Variants in WIPF1 observed in about 807,000 individuals in gnomAD.
WIPF1 encodes WAS/WASL-interacting protein family member 1.
In WIPF1, 13 loss-of-function variants were observed where a neutral mutation model predicts 35.4. The ratio of observed to expected loss-of-function variants is 0.37; its 90% CI spans 0.24 to 0.58. The LOEUF is 0.58. Among genes scored for constraint, WIPF1 ranks in the 20% least tolerant of loss-of-function variants. The pLI is 0.74. For missense variants in WIPF1, 591 were observed against 667.0 expected, an observed-to-expected ratio of 0.89 and a Z score of 1.25; for synonymous variants, 267 against 266.3, an observed-to-expected ratio of 1.00 and a Z score of -0.02.
chr2:174,625,498 TG>T (rs1686801899), intron 1 of WIPF1: 1 of 152,196 alleles, frequency 6.6e-6, no homozygotes. Flanking sequence ...ATTCCAGCTC[TG>T]TGGAATGCAT....
intron 1 of WIPF1, among the ~76,000 whole-genome samples, chr2:174,592,605 ATTT>A (rs36039287): frequency 0.01 from 1,348 of 131,676 alleles, 22 homozygotes; most frequent in African/African-American, 0.031. Context: ...TTATTTATTG[ATTT>A]TTTTTTTTTT....
chr2:174,654,503 G>A (rs1010563453), intron 1 of WIPF1, among the ~76,000 whole-genome samples: 6 of 151,938 alleles, frequency 3.9e-5, no homozygotes, highest in Admixed American at 1.3e-4. Flanking sequence ...ATTTTTGAAC[G>A]CAAATGTAAA....
chr2:174,681,046 A>G (rs1185088583), intron 1 of WIPF1, among the ~76,000 whole-genome samples: 1 of 152,260 alleles, frequency 6.6e-6, no homozygotes, highest in East Asian at 1.9e-4. Flanking sequence ...CCAGGAGGAA[A>G]GTCTCATTCT....
intron 1 of WIPF1, among the ~76,000 whole-genome samples, chr2:174,648,362 A>T (rs1349626666): frequency 6.6e-6 from 1 of 152,222 alleles, no homozygotes; most frequent in East Asian, 1.9e-4. Context: ...GCAACATAAT[A>T]TCCACCAATT....
At chr2:174,603,073 G>A (rs1302562976) in intron 1 of WIPF1, among the ~76,000 whole-genome samples, 1 of 152,218 alleles carries the variant, frequency 6.6e-6, no homozygotes, top group Non-Finnish European at 1.5e-5. Context: ...ATCCCTGAGG[G>A]ATGAGGCTGG....
intron 1 of WIPF1, among the ~76,000 whole-genome samples, chr2:174,610,315 GACTCTTTTC>G (rs974597718): frequency 9.2e-5 from 14 of 152,260 alleles, no homozygotes; most frequent in African/African-American, 3.4e-4. Flanking sequence ...GCTCCGTGTT[GACTCTTTTC>G]CCCACAACAC....
chr2:174,577,628 C>T (rs1685101844), intron 3 of WIPF1, among the ~76,000 whole-genome samples: 1 of 152,116 alleles, frequency 6.6e-6, no homozygotes, highest in East Asian at 1.9e-4. Context: ...GACTTTCTAA[C>T]ATTAAAAATG....
chr2:174,614,200 GGA>G, intron 1 of WIPF1, among the ~76,000 whole-genome samples: 1 of 152,314 alleles, frequency 6.6e-6, no homozygotes, highest in East Asian at 1.9e-4. Context: ...CATTTCACCT[GGA>G]GAGAGCCATT....
chr2:174,612,130 C>G (rs1014179791), intron 1 of WIPF1, among the ~76,000 whole-genome samples: 1 of 152,166 alleles, frequency 6.6e-6, no homozygotes, highest in Non-Finnish European at 1.5e-5. Flanking sequence ...CTCTTGGCCT[C>G]AAGCAATCAT....
intron 1 of WIPF1, among the ~76,000 whole-genome samples, chr2:174,646,868 G>A (rs900272588): frequency 6.6e-6 from 1 of 152,140 alleles, no homozygotes; most frequent in African/African-American, 2.4e-5. Flanking sequence ...GCCCACCTCC[G>A]CCTCCCAAAG....
chr2:174,619,329 T>A (rs890306212), intron 1 of WIPF1, among the ~76,000 whole-genome samples: 1 of 152,184 alleles, frequency 6.6e-6, no homozygotes, highest in Admixed American at 6.5e-5. Flanking sequence ...CTTAATCACT[T>A]ATTTATTTAA....
rs1224778215 is a variant in WIPF1 at position 174,568,024 on chromosome 2, C to T, written c.1179G>A (p.Arg393=). ...GCAACTGAGGGGTAGCAGGCAGGGC[C>T]CGAGATGTGCTGCCGTTTCTGCTTA... The part of the protein sequence containing the change: ...PPVSRNGSTS[R]ALPATPQLPS... The change falls in exon 6 of 8, where the codon CGG becomes CGA. Residue 393 remains arginine (R), a synonymous_variant. Coordinates refer to ENST00000679041, the MANE Select transcript of WIPF1 (RefSeq NM_001375834.1). 3 of 1,613,618 alleles carry T rather than the reference C, an allele frequency of 1.9e-6. No homozygotes were observed.
At chr2:174,679,112 T>C (rs1688198013) in intron 1 of WIPF1, among the ~76,000 whole-genome samples, 1 of 152,176 alleles carries the variant, frequency 6.6e-6, no homozygotes, top group Non-Finnish European at 1.5e-5. Flanking sequence ...GTAATTCACA[T>C]ACATCACCTC....
intron 3 of WIPF1, among the ~76,000 whole-genome samples, chr2:174,577,751 T>G (rs1685105666): frequency 6.6e-6 from 1 of 152,038 alleles, no homozygotes; most frequent in East Asian, 1.9e-4. Flanking sequence ...TATGGTGAGA[T>G]TCCCATCTCT....
intron 1 of WIPF1, among the ~76,000 whole-genome samples, chr2:174,679,194 G>C (rs1199297736): frequency 6.6e-6 from 1 of 152,146 alleles, no homozygotes; most frequent in Admixed American, 6.5e-5. Context: ...TACAGGGCTG[G>C]GTGCGGTGGC....
chr2:174,563,115 G>C (rs56319222), intron 7 of WIPF1, among the ~76,000 whole-genome samples: 4 of 152,100 alleles, frequency 2.6e-5, no homozygotes, highest in African/African-American at 7.2e-5. Flanking sequence ...ATTCCCTTTT[G>C]TTGGGCATTT....
At chr2:174,581,202 G>C in intron 3 of WIPF1, 108 bp downstream of exon 3, 9 of 1,478,894 alleles carry the variant, frequency 6.1e-6, no homozygotes, top group Non-Finnish European at 8.2e-6. Context: ...CTTTGCAGCT[G>C]TTGTTAACCA....
chr2:174,621,527 G>A (rs993772020), intron 1 of WIPF1, among the ~76,000 whole-genome samples: 1 of 151,778 alleles, frequency 6.6e-6, no homozygotes, highest in African/African-American at 2.4e-5. Context: ...CACACACTTG[G>A]ATACTTCCTC....
intron 5 of WIPF1, chr2:174,570,502 C>A (rs368813484): frequency 6.6e-6 from 1 of 152,124 alleles, no homozygotes; most frequent in Non-Finnish European, 1.5e-5. Flanking sequence ...AAGATTTAAT[C>A]TGCTGACTCA....
Sources: allele counts gnomAD v4.1 joint callset (sites outside exome capture counted in the v4.1 genomes callset), GRCh38; gene constraint gnomAD v4.1.1; transcripts MANE v1.5; gene names NCBI Gene and HGNC (gene_info 2026-07-23, HGNC 2026-07-21).